Variants in MYO16 observed in about 807,000 individuals in gnomAD.
The protein encoded by MYO16 is myosin XVI, also known as unconventional myosin-XVI.
In MYO16, 94 loss-of-function variants were observed where a neutral mutation model predicts 205.3. The observed-to-expected ratio is 0.46, with a 90% CI of 0.39 to 0.54. MYO16 has a LOEUF of 0.54. Ranked by LOEUF, MYO16 falls within the 20% of genes least tolerant of loss-of-function variation. The probability of loss-of-function intolerance (pLI) is 0.00; values close to 1 mark genes in which losing one functional copy is unlikely to be tolerated. For missense variants in MYO16, 2,315 were observed against 2,387.5 expected, an observed-to-expected ratio of 0.97 and a Z score of 0.63; for synonymous variants, 988 against 954.0, an observed-to-expected ratio of 1.04 and a Z score of -0.66.
intron 16 of MYO16, among the ~76,000 whole-genome samples, chr13:108,955,785 A>G (rs1199259318): frequency 6.6e-6 from 1 of 152,178 alleles, no homozygotes. Flanking sequence ...CGGGAGGTGA[A>G]GGTTGCAGTG....
intron 33 of MYO16, among the ~76,000 whole-genome samples, chr13:109,176,302 C>CTT (rs1879171431): frequency 6.7e-6 from 1 of 149,342 alleles, no homozygotes; most frequent in Admixed American, 6.7e-5. Flanking sequence ...AACTTTTATT[C>CTT]TTTGTCCATT....
At chr13:109,005,000 A>G (rs192945349) in intron 21 of MYO16, among the ~76,000 whole-genome samples, 1 of 152,350 alleles carries the variant, frequency 6.6e-6, no homozygotes, top group East Asian at 1.9e-4. Context: ...TTTAAAAGGT[A>G]AAGAACTTCC....
At chr13:108,499,900 T>C in the MYO16 span, among the ~76,000 whole-genome samples, 2 of 152,174 alleles carry the variant, frequency 1.3e-5, no homozygotes, top group African/African-American at 4.8e-5. Flanking sequence ...CTCCCTCCAC[T>C]TCATGGAAGT....
intron 24 of MYO16, among the ~76,000 whole-genome samples, chr13:109,049,910 C>G (rs138317602): frequency 1.2e-3 from 184 of 147,758 alleles, no homozygotes; most frequent in African/African-American, 4.1e-3. Flanking sequence ...TTGTTCTCCT[C>G]TTTCCTTCCT....
intron 20 of MYO16, among the ~76,000 whole-genome samples, chr13:108,971,374 T>C (rs765409236): frequency 0.08 from 10,890 of 136,374 alleles, 511 homozygotes; most frequent in Admixed American, 0.11. Context: ...TATATATATA[T>C]ACACATATAA....
intron 16 of MYO16, among the ~76,000 whole-genome samples, chr13:108,911,533 C>A (rs1385568970): frequency 6.6e-6 from 1 of 151,954 alleles, no homozygotes; most frequent in African/African-American, 2.4e-5. Flanking sequence ...AACATGAAGG[C>A]CAGGATCTCA....
intron 2 of MYO16, among the ~76,000 whole-genome samples, chr13:108,699,406 A>G (rs1043230355): frequency 6.6e-6 from 1 of 152,142 alleles, no homozygotes; most frequent in Non-Finnish European, 1.5e-5. Context: ...TGTAAAAGTG[A>G]GTCATTTTTT....
chr13:108,701,868 T>C (rs1883321777), intron 2 of MYO16, among the ~76,000 whole-genome samples: 1 of 151,862 alleles, frequency 6.6e-6, no homozygotes, highest in Non-Finnish European at 1.5e-5. Context: ...AGAACAATTA[T>C]AAAAACAAAC....
intron 2 of MYO16, among the ~76,000 whole-genome samples, chr13:108,707,411 A>T (rs1024587872): frequency 1.3e-5 from 2 of 152,146 alleles, no homozygotes; most frequent in African/African-American, 2.4e-5. Context: ...TGACAGAACA[A>T]TTTGTATCTT....
the MYO16 span, among the ~76,000 whole-genome samples, chr13:108,504,698 G>A: frequency 6.6e-6 from 1 of 151,822 alleles, no homozygotes; most frequent in Admixed American, 6.6e-5. Flanking sequence ...ACCATGCCCA[G>A]CTAATTTTTG....
chr13:109,119,418 C>T (rs994302903), intron 28 of MYO16, among the ~76,000 whole-genome samples: 11 of 152,180 alleles, frequency 7.2e-5, no homozygotes, highest in Non-Finnish European at 7.4e-5. Flanking sequence ...AACAGAATAT[C>T]ATCTCAGAGC....
chr13:108,639,176 A>C (rs1188672291), intron 1 of MYO16, among the ~76,000 whole-genome samples: 1 of 152,144 alleles, frequency 6.6e-6, no homozygotes, highest in Non-Finnish European at 1.5e-5. Context: ...TGTGGATTAA[A>C]GGAGAGACTG....
At chr13:108,692,219 T>C (rs1218398815) in intron 2 of MYO16, among the ~76,000 whole-genome samples, 1 of 152,230 alleles carries the variant, frequency 6.6e-6, no homozygotes, top group Non-Finnish European at 1.5e-5. Context: ...CACTTGCTCC[T>C]TAAAGAATGA....
intron 12 of MYO16, among the ~76,000 whole-genome samples, chr13:108,881,554 A>T (rs956446214): frequency 6.6e-5 from 10 of 152,216 alleles, no homozygotes; most frequent in Non-Finnish European, 1.5e-4. Flanking sequence ...TCGAAAAAAG[A>T]TTAGACAAAT....
chr13:108,956,664 A>C (rs1556809), intron 16 of MYO16, among the ~76,000 whole-genome samples: 77,867 of 151,990 alleles, frequency 0.51, 21,468 homozygotes, highest in South Asian at 0.71. Context: ...TCTGCTTTGT[A>C]CATATTCTAA....
chr13:108,605,332 T>A (rs554624238), intron 1 of MYO16, among the ~76,000 whole-genome samples: 1 of 152,220 alleles, frequency 6.6e-6, no homozygotes, highest in South Asian at 2.1e-4. Context: ...TTGCTCCATG[T>A]GAAAAAAAAT....
At chr13:108,620,447 C>A (rs767502474) in intron 1 of MYO16, among the ~76,000 whole-genome samples, 2 of 152,160 alleles carry the variant, frequency 1.3e-5, no homozygotes, top group Admixed American at 6.5e-5. Context: ...TAAGAGCATG[C>A]ATTCATGTTA....
At chr13:109,026,534 C>T (rs543896063) in intron 23 of MYO16, among the ~76,000 whole-genome samples, 1 of 152,092 alleles carries the variant, frequency 6.6e-6, no homozygotes, top group Non-Finnish European at 1.5e-5. Context: ...TTTTGAGCCA[C>T]CTAACTTGTT....
intron 20 of MYO16, among the ~76,000 whole-genome samples, chr13:108,987,857 C>T (rs895308697): frequency 6.6e-6 from 1 of 152,146 alleles, no homozygotes; most frequent in African/African-American, 2.4e-5. Context: ...TGAGTTTACC[C>T]GTGTTCTAAG....
Sources: gnomAD v4.1 joint callset for allele counts (sites outside exome capture counted in the v4.1 genomes callset) on GRCh38, gnomAD v4.1.1 for gene constraint, MANE v1.5 for transcripts, NCBI Gene and HGNC (gene_info 2026-07-23, HGNC 2026-07-21) for gene names.